The following CEP85L variants were observed in gnomAD, a reference collection of about 807,000 sequenced individuals.
The protein encoded by CEP85L is centrosomal protein 85L.
In CEP85L, 60 loss-of-function variants were observed where a neutral mutation model predicts 100.3. The observed-to-expected ratio is 0.60, with a 90% CI of 0.49 to 0.74. CEP85L has a LOEUF of 0.74. CEP85L is among the 30% of genes least tolerant of loss of function. The probability of loss-of-function intolerance (pLI) is 0.00; values close to 1 mark genes in which losing one functional copy is unlikely to be tolerated. For synonymous variants in CEP85L, 319 were observed against 322.7 expected (o/e 0.99, Z 0.12); for missense variants, 973 against 936.2 (o/e 1.04, Z -0.51).
In CEP85L at chr6:118,651,367, G is replaced by A. The variant is rs1383646758; in HGVS notation, c.-98C>T. ...GAAACTTGCGCGGAGCGTGGGCCTC[G>A]GCGACACGGGCAGGAGGAAAGGCGG... On this transcript the variant is annotated 5_prime_UTR_variant, in exon 1 of 13. Transcript: ENST00000368491. 15 of 1,372,130 alleles carry A rather than the reference G, an allele frequency of 1.1e-5. No individual in the cohort carries two copies. The highest frequency in any genetic ancestry group is 4.6e-5 in the African/African-American group (3 of 65,764). 85.0% of individuals were successfully genotyped at this position (1,372,130 alleles called of 1,614,324 possible).
intron 3 of CEP85L, among the ~76,000 whole-genome samples, chr6:118,542,944 A>G (rs996070022): frequency 9.4e-5 from 14 of 149,624 alleles, no homozygotes; most frequent in South Asian, 2.1e-4. Flanking sequence ...ACAGCAACCA[A>G]TCAGAAAGGG....
intron 1 of CEP85L, among the ~76,000 whole-genome samples, chr6:118,697,063 A>G (rs1346396134): frequency 2.6e-5 from 4 of 152,062 alleles, no homozygotes; most frequent in Non-Finnish European, 5.9e-5. Context: ...TCAATTTCTC[A>G]TTGGCTAAAA....
rs746227706 is a variant in CEP85L at position 118,491,870 on chromosome 6, T to C, written c.1258-5A>G. Reference sequence around the variant, plus strand: ...TGAAGTGTTCTCATATTGTGGCTGTTAGGAAAGAAAAAAAGGAGGTAAGAC... The same window carrying C: ...TGAAGTGTTCTCATATTGTGGCTGTCAGGAAAGAAAAAAAGGAGGTAAGAC... On this transcript the variant is annotated splice_polypyrimidine_tract_variant and splice_region_variant and intron_variant, in intron 5 of 12. Coordinates refer to ENST00000368491, the MANE Select transcript of CEP85L (RefSeq NM_001042475.3). 161 of 1,573,360 alleles carry C rather than the reference T, an allele frequency of 1.0e-4. No individual in the cohort carries two copies. Among genetic ancestry groups the C allele is most frequent in the Non-Finnish European group, 8.6e-7 (1 of 1,164,886 alleles).
At chr6:118,660,762 T>G (rs1292248712) in intron 1 of CEP85L, among the ~76,000 whole-genome samples, 2 of 152,236 alleles carry the variant, frequency 1.3e-5, no homozygotes, top group Admixed American at 1.3e-4. Flanking sequence ...CCTGGGGCCA[T>G]GTAATGTCTG....
chr6:118,684,238 T>G (rs1776758418), intron 1 of CEP85L, among the ~76,000 whole-genome samples: 1 of 152,208 alleles, frequency 6.6e-6, no homozygotes, highest in Non-Finnish European at 1.5e-5. Flanking sequence ...TTACATGGCA[T>G]CTTTGCTGTT....
intron 10 of CEP85L, among the ~76,000 whole-genome samples, chr6:118,476,275 G>C (rs987046562): frequency 6.6e-6 from 1 of 151,102 alleles, no homozygotes; most frequent in Non-Finnish European, 1.5e-5. Flanking sequence ...CAAGACTACA[G>C]TGTGTGCGTT....
intron 5 of CEP85L, chr6:118,501,828 GA>G (rs1562204748): frequency 1.0e-4 from 133 of 1,292,750 alleles, no homozygotes; most frequent in Non-Finnish European, 1.3e-4. Flanking sequence ...GAGAGAGAGA[GA>G]GAGGACTCTG....
At chr6:118,481,125 T>G (rs1391271845) in intron 8 of CEP85L, among the ~76,000 whole-genome samples, 1 of 152,060 alleles carries the variant, frequency 6.6e-6, no homozygotes, top group East Asian at 1.9e-4. Context: ...CTGCTGTACC[T>G]TTTACTTGCA....
intron 2 of CEP85L, among the ~76,000 whole-genome samples, chr6:118,569,067 G>C (rs1779715612): frequency 6.6e-6 from 1 of 151,854 alleles, no homozygotes; most frequent in Non-Finnish European, 1.5e-5. Flanking sequence ...AGGGCTGGGG[G>C]CAGTGGCTCA....
At chr6:118,529,602 T>A (rs1450616256) in intron 3 of CEP85L, among the ~76,000 whole-genome samples, 1 of 96,824 alleles carries the variant, frequency 1.0e-5, no homozygotes, top group Non-Finnish European at 1.9e-5. Context: ...AGCGAGACTC[T>A]GTCTCCAAAA....
chr6:118,581,208 C>T (rs1780557032), intron 2 of CEP85L, among the ~76,000 whole-genome samples: 1 of 152,104 alleles, frequency 6.6e-6, no homozygotes, highest in African/African-American at 2.4e-5. Context: ...AGGAAAACAG[C>T]CATTTGGTTC....
chr6:118,497,483 A>C (rs537949525), intron 5 of CEP85L, among the ~76,000 whole-genome samples: 139 of 152,294 alleles, frequency 9.1e-4, no homozygotes, highest in African/African-American at 3.2e-3. Flanking sequence ...CAATTATTTC[A>C]TTATATATTA....
intron 2 of CEP85L, among the ~76,000 whole-genome samples, chr6:118,590,689 G>A (rs1447731354): frequency 1.3e-5 from 2 of 152,202 alleles, no homozygotes; most frequent in East Asian, 1.9e-4. Flanking sequence ...GTACAGGAGA[G>A]CCTCTTCCTT....
At chr6:118,652,395 A>T (rs1775619380), upstream of CEP85L, 1 of 1,083,474 alleles carries the variant, frequency 9.2e-7, no homozygotes, top group African/African-American at 1.7e-5. Flanking sequence ...TTTTATTTTT[A>T]AATCTTACTT....
At chr6:118,477,681 A>G (rs953890732) in intron 10 of CEP85L, among the ~76,000 whole-genome samples, 2 of 152,136 alleles carry the variant, frequency 1.3e-5, no homozygotes, top group African/African-American at 4.8e-5. Flanking sequence ...TTGCAAGGAC[A>G]TAAAGAGGCA....
chr6:118,481,252 AT>A (rs1773761749), intron 8 of CEP85L, among the ~76,000 whole-genome samples: 1 of 141,430 alleles, frequency 7.1e-6, no homozygotes, highest in Non-Finnish European at 1.6e-5. Context: ...TTTTTTTTTT[AT>A]AAAGCCATTA....
chr6:118,570,374 G>C (rs1779815265), intron 2 of CEP85L, among the ~76,000 whole-genome samples: 1 of 152,096 alleles, frequency 6.6e-6, no homozygotes, highest in South Asian at 2.1e-4. Context: ...TATCACAGCG[G>C]AATCCTCTAA....
At chr6:118,571,528 T>C (rs905471758) in intron 2 of CEP85L, among the ~76,000 whole-genome samples, 1 of 152,326 alleles carries the variant, frequency 6.6e-6, no homozygotes, top group African/African-American at 2.4e-5. Context: ...TATCATGTTA[T>C]TCTCATCTGG....
At chr6:118,654,068 ACAT>A (rs1185640540), upstream of CEP85L, among the ~76,000 whole-genome samples, 2 of 152,242 alleles carry the variant, frequency 1.3e-5, no homozygotes, top group Non-Finnish European at 2.9e-5. Flanking sequence ...GATTGTGCAA[ACAT>A]CATCTACAGA....
Sources: gnomAD v4.1 joint callset for allele counts (sites outside exome capture counted in the v4.1 genomes callset) on GRCh38, gnomAD v4.1.1 for gene constraint, MANE v1.5 for transcripts, NCBI Gene and HGNC (gene_info 2026-07-23, HGNC 2026-07-21) for gene names.